Variants in ENOX1 observed in about 807,000 individuals in gnomAD.
ENOX1 encodes the protein candidate growth-related and time keeping constitutive hydroquinone (NADH) oxidase.
Under a neutral mutation model 82.5 loss-of-function variants are expected in ENOX1, and 42 were observed. The observed-to-expected ratio is 0.51, with a 90% CI of 0.40 to 0.66. The LOEUF is 0.66. Among genes scored for constraint, ENOX1 ranks in the 30% least tolerant of loss-of-function variants. ENOX1 has a pLI of 0.00. For synonymous variants in ENOX1, 271 were observed against 282.2 expected (o/e 0.96, Z 0.40); for missense variants, 608 against 811.6 (o/e 0.75, Z 3.05).
At chr13:43,250,251 A>C (rs1038440547) in intron 14 of ENOX1, among the ~76,000 whole-genome samples, 8 of 152,186 alleles carry the variant, frequency 5.3e-5, no homozygotes, top group Admixed American at 2.0e-4. Flanking sequence ...ATCTCTCCGG[A>C]AACTATAGCT....
intron 1 of ENOX1, among the ~76,000 whole-genome samples, chr13:43,700,140 A>C (rs987115403): frequency 5.3e-5 from 8 of 152,180 alleles, no homozygotes; most frequent in African/African-American, 1.9e-4. Context: ...ACTCACTTGT[A>C]CATTCATAAA....
At chr13:43,551,512 CTTT>C (rs1384262135) in intron 2 of ENOX1, among the ~76,000 whole-genome samples, 1 of 152,008 alleles carries the variant, frequency 6.6e-6, no homozygotes, top group African/African-American at 2.4e-5. Context: ...CATTTTTTAT[CTTT>C]TAAGATAAAA....
At chr13:43,232,148 G>A (rs1401937758) in intron 15 of ENOX1, among the ~76,000 whole-genome samples, 1 of 135,118 alleles carries the variant, frequency 7.4e-6, no homozygotes, top group East Asian at 2.2e-4. Context: ...TGCCTAGGCT[G>A]GTCTTGAACT....
intron 3 of ENOX1, chr13:43,458,495 G>A (rs1019513175): frequency 1.7e-4 from 26 of 152,072 alleles, no homozygotes; most frequent in Admixed American, 3.9e-4. Context: ...TGGAAGCAAC[G>A]CATCAGTTAG....
intron 11 of ENOX1, among the ~76,000 whole-genome samples, chr13:43,316,632 A>C (rs2047506031): frequency 2.8e-5 from 1 of 35,266 alleles, no homozygotes; most frequent in African/African-American, 1.2e-4. Context: ...CAATTTACAA[A>C]AAAAAAAAAA....
intron 1 of ENOX1, among the ~76,000 whole-genome samples, chr13:43,752,518 T>C (rs1281232392): frequency 6.6e-6 from 1 of 152,234 alleles, no homozygotes; most frequent in Non-Finnish European, 1.5e-5. Context: ...TTTTAGGTGT[T>C]ACATATATGT....
At chr13:43,665,707 C>A (rs1594323730) in intron 2 of ENOX1, among the ~76,000 whole-genome samples, 1 of 151,682 alleles carries the variant, frequency 6.6e-6, no homozygotes, top group Admixed American at 6.6e-5. Flanking sequence ...ATAAAAACCC[C>A]ATCTGCTACT....
intron 16 of ENOX1, among the ~76,000 whole-genome samples, chr13:43,218,430 C>A (rs1345040674): frequency 6.6e-6 from 1 of 152,090 alleles, no homozygotes; most frequent in South Asian, 2.1e-4. Flanking sequence ...AGTTTGAGAC[C>A]AGCCTGGGCA....
intron 11 of ENOX1, among the ~76,000 whole-genome samples, chr13:43,308,855 G>A (rs2047019232): frequency 6.6e-6 from 1 of 152,146 alleles, no homozygotes; most frequent in Admixed American, 6.5e-5. Context: ...AAATGCCACA[G>A]AATCCCTTAA....
At chr13:43,384,202 C>T (rs755626576) in intron 5 of ENOX1, among the ~76,000 whole-genome samples, 3 of 152,162 alleles carry the variant, frequency 2.0e-5, no homozygotes, top group Non-Finnish European at 4.4e-5. Flanking sequence ...TAAATGCAAG[C>T]AATTATTATT....
chr13:43,671,891 T>A (rs919527161), intron 1 of ENOX1, among the ~76,000 whole-genome samples: 2 of 152,190 alleles, frequency 1.3e-5, no homozygotes, highest in Non-Finnish European at 2.9e-5. Flanking sequence ...AAGCCAGTAG[T>A]GGAAATTTGT....
rs191562562 is a variant in ENOX1 at position 43,361,227 on chromosome 13, T to C, written c.382+52A>G. ...ATGACTGCAATGCCATTTTAAAATT[T>C]AAAAAGAAAAACATTTAAAATGAGC... is the stretch of plus-strand genomic sequence containing the variant. On this transcript the variant is annotated intron_variant, in intron 6 of 16. Coordinates refer to ENST00000690772, the MANE Select transcript of ENOX1 (RefSeq NM_001347969.2). 1.8e-4 allele frequency: 287 copies of C among 1,588,666 alleles called. 2 individuals carry two copies. The African/African-American group carries it at 3.4e-3, about 19-fold the overall frequency.
chr13:43,537,927 A>T (rs2078536237), intron 2 of ENOX1, among the ~76,000 whole-genome samples: 3 of 152,214 alleles, frequency 2.0e-5, no homozygotes, highest in Admixed American at 2.0e-4. Context: ...ACATACCTGG[A>T]GGCAGAAGAC....
intron 5 of ENOX1, among the ~76,000 whole-genome samples, chr13:43,398,354 A>G (rs746006067): frequency 5.3e-5 from 8 of 152,092 alleles, no homozygotes; most frequent in Non-Finnish European, 1.2e-4. Flanking sequence ...TCCAAGGCCA[A>G]ATGAGGATTT....
intron 10 of ENOX1, among the ~76,000 whole-genome samples, chr13:43,325,850 C>A (rs765483222): frequency 6.6e-6 from 1 of 152,266 alleles, no homozygotes; most frequent in Non-Finnish European, 1.5e-5. Flanking sequence ...CTAGACTGTT[C>A]TCTTGGGGGT....
At chr13:43,661,093 A>G (rs1459290175) in intron 2 of ENOX1, among the ~76,000 whole-genome samples, 1 of 152,236 alleles carries the variant, frequency 6.6e-6, no homozygotes, top group East Asian at 1.9e-4. Context: ...TTACAGAGAT[A>G]GAAAATACCA....
chr13:43,607,877 T>A (rs544310651), intron 2 of ENOX1, among the ~76,000 whole-genome samples: 2 of 152,286 alleles, frequency 1.3e-5, no homozygotes, highest in South Asian at 4.1e-4. Flanking sequence ...GGTAGAGACA[T>A]CCTGTGAAAT....
chr13:43,467,966 A>G (rs963053537), intron 3 of ENOX1, among the ~76,000 whole-genome samples: 7 of 131,198 alleles, frequency 5.3e-5, no homozygotes, highest in Admixed American at 5.0e-4. Flanking sequence ...TTGAAAATCA[A>G]CTGGCCACAG....
chr13:43,471,826 A>G (rs983821993), intron 3 of ENOX1, among the ~76,000 whole-genome samples: 304 of 151,638 alleles, frequency 2.0e-3, no homozygotes, highest in Middle Eastern at 0.01. Flanking sequence ...AAAAAAAAAA[A>G]AAAGAAAGAA....
Sources: allele counts gnomAD v4.1 joint callset (sites outside exome capture counted in the v4.1 genomes callset), GRCh38; gene constraint gnomAD v4.1.1; transcripts MANE v1.5; gene names NCBI Gene and HGNC (gene_info 2026-07-23, HGNC 2026-07-21).